Variants in TASP1 observed in about 807,000 individuals in gnomAD.
TASP1 encodes taspase 1.
In TASP1, 16 loss-of-function variants were observed where a neutral mutation model predicts 56.6. That is an observed-to-expected ratio of 0.28 (90% CI 0.19 to 0.43). The LOEUF is 0.43. TASP1 is among the 20% of genes least tolerant of loss of function. The probability of loss-of-function intolerance (pLI) is 1.00; values close to 1 mark genes in which losing one functional copy is unlikely to be tolerated. For missense variants in TASP1, 393 were observed against 511.6 expected (o/e 0.77, Z 2.24); for synonymous variants, 179 against 184.2 (o/e 0.97, Z 0.23).
intron 13 of TASP1, among the ~76,000 whole-genome samples, chr20:13,397,561 G>A (rs1317329710): frequency 6.6e-6 from 1 of 152,156 alleles, no homozygotes; most frequent in African/African-American, 2.4e-5. Context: ...CCATGAAGGA[G>A]GATTCTAAAT....
the TASP1 span, among the ~76,000 whole-genome samples, chr20:13,295,911 T>C: frequency 1.3e-5 from 2 of 152,216 alleles, no homozygotes; most frequent in African/African-American, 2.4e-5. Context: ...GCAGGTTCCC[T>C]TGTAGGAGCT....
chr20:13,135,869 G>C, the TASP1 span, among the ~76,000 whole-genome samples: 4 of 152,218 alleles, frequency 2.6e-5, no homozygotes, highest in Admixed American at 2.6e-4. Context: ...TGCCAGGCTG[G>C]TGGGATAATC....
At chr20:13,527,267 A>G (rs1233611634) in intron 10 of TASP1, among the ~76,000 whole-genome samples, 1 of 152,136 alleles carries the variant, frequency 6.6e-6, no homozygotes, top group Non-Finnish European at 1.5e-5. Context: ...AGCAGACAGA[A>G]AGCAGGACAA....
the TASP1 span, among the ~76,000 whole-genome samples, chr20:13,198,846 CTTTCTTT>C: frequency 7.5e-6 from 1 of 134,010 alleles, no homozygotes; most frequent in Non-Finnish European, 1.6e-5. Context: ...TTCTTTCTTT[CTTTCTTT>C]CTTTCCTTCC....
At chr20:13,288,553 C>T in the TASP1 span, 27 of 1,613,592 alleles carry the variant, frequency 1.7e-5, no homozygotes, top group African/African-American at 2.0e-4. Flanking sequence ...CCACAGATGG[C>T]GAGGGTGACT....
the TASP1 span, among the ~76,000 whole-genome samples, chr20:13,174,390 T>C: frequency 6.6e-6 from 1 of 152,188 alleles, no homozygotes; most frequent in Non-Finnish European, 1.5e-5. Context: ...TATAATGATC[T>C]TGAATTATAC....
intron 8 of TASP1, among the ~76,000 whole-genome samples, chr20:13,553,193 C>A (rs1462678882): frequency 1.3e-5 from 2 of 152,146 alleles, no homozygotes; most frequent in Admixed American, 6.6e-5. Flanking sequence ...GATCCTCTTG[C>A]CTCGGCCTCC....
At chr20:13,346,901 G>A in the TASP1 span, among the ~76,000 whole-genome samples, 1 of 152,278 alleles carries the variant, frequency 6.6e-6, no homozygotes, top group East Asian at 1.9e-4. Context: ...AATAATCAGG[G>A]CTGCCTGTGC....
At chr20:13,528,867 C>T (rs2045098241) in intron 9 of TASP1, among the ~76,000 whole-genome samples, 1 of 152,122 alleles carries the variant, frequency 6.6e-6, no homozygotes, top group Admixed American at 6.6e-5. Flanking sequence ...TAGTAGTTTT[C>T]AAACTAGGTG....
intron 10 of TASP1, among the ~76,000 whole-genome samples, chr20:13,489,082 G>A (rs752430165): frequency 6.6e-6 from 1 of 151,998 alleles, no homozygotes; most frequent in African/African-American, 2.4e-5. Context: ...AATGTTATAG[G>A]TCATACCTGC....
chr20:13,483,264 G>A lies in TASP1; in HGVS notation c.948C>T (p.His316=), dbSNP rs1197959839. ...CSHALQAEDA[H]QALLETMQNK... ...TTTGCATAGTCTCCAACAGGGCTTGGTGAGCATCCTCAGCTTGTAAAGCAT... is the reference window on the plus strand; with the variant it reads ...TTTGCATAGTCTCCAACAGGGCTTGATGAGCATCCTCAGCTTGTAAAGCAT... The change falls in exon 11 of 14, where the codon CAC becomes CAT. Residue 316 remains histidine (H), a synonymous_variant. Transcript: ENST00000337743. 4 of 1,599,528 alleles carry A rather than the reference G, an allele frequency of 2.5e-6. No homozygotes were observed. Among genetic ancestry groups the A allele is most frequent in the Non-Finnish European group, 2.6e-6 (3 of 1,172,506 alleles).
chr20:13,420,099 G>A (rs2146083896), intron 12 of TASP1, among the ~76,000 whole-genome samples: 1 of 152,150 alleles, frequency 6.6e-6, no homozygotes, highest in Admixed American at 6.5e-5. Flanking sequence ...AATATTAAGG[G>A]GGCAACTGCT....
At chr20:13,469,861 T>C (rs1174827733) in intron 11 of TASP1, among the ~76,000 whole-genome samples, 1 of 131,134 alleles carries the variant, frequency 7.6e-6, no homozygotes, top group African/African-American at 2.9e-5. Flanking sequence ...CAGGCTAGAA[T>C]GCAGTGGCAT....
intron 4 of TASP1, among the ~76,000 whole-genome samples, chr20:13,606,009 T>C (rs114291121): frequency 5.4e-4 from 82 of 152,302 alleles, no homozygotes; most frequent in African/African-American, 1.8e-3. Context: ...TCTGAGCACA[T>C]CAAGAAAGCC....
chr20:13,577,206 A>G (rs555850691), intron 6 of TASP1, among the ~76,000 whole-genome samples: 3 of 152,284 alleles, frequency 2.0e-5, no homozygotes, highest in African/African-American at 7.2e-5. Context: ...TTTAAATGTT[A>G]TATTACTCCT....
chr20:13,390,556 G>T, intron 13 of TASP1, 104 bp from the exon 14 acceptor site: 2 of 946,128 alleles, frequency 2.1e-6, no homozygotes, highest in Non-Finnish European at 3.3e-6. Context: ...AGAGCATTAG[G>T]CCTTCATTTT....
the TASP1 span, among the ~76,000 whole-genome samples, chr20:13,353,219 T>C: frequency 2.1e-5 from 3 of 144,820 alleles, no homozygotes; most frequent in African/African-American, 7.8e-5. Flanking sequence ...CTAAGTTACA[T>C]ATTAGGTGAC....
At chr20:13,465,044 G>C (rs763899398) in intron 11 of TASP1, among the ~76,000 whole-genome samples, 61 of 151,824 alleles carry the variant, frequency 4.0e-4, no homozygotes, top group Non-Finnish European at 6.9e-4. Context: ...GGCTGCTCAT[G>C]CCTGTAGTCC....
At chr20:13,228,119 C>T in the TASP1 span, among the ~76,000 whole-genome samples, 3 of 151,758 alleles carry the variant, frequency 2.0e-5, no homozygotes, top group Non-Finnish European at 4.4e-5. Context: ...ATTACAGGTA[C>T]CCACCACCAT....
Sources: allele counts gnomAD v4.1 joint callset (sites outside exome capture counted in the v4.1 genomes callset), GRCh38; gene constraint gnomAD v4.1.1; transcripts MANE v1.5; gene names NCBI Gene and HGNC (gene_info 2026-07-23, HGNC 2026-07-21).